Variants in ZEB1 observed in about 807,000 individuals in gnomAD.
ZEB1 encodes zinc finger E-box binding homeobox 1.
ZEB1 carries 21 observed loss-of-function variants against 84.9 expected under a neutral mutation model. That is an observed-to-expected ratio of 0.25 (90% CI 0.18 to 0.36). The LOEUF is 0.36. Among genes scored for constraint, ZEB1 ranks in the 10% least tolerant of loss-of-function variants. ZEB1 has a pLI of 1.00. For synonymous variants in ZEB1, 420 were observed against 471.1 expected (o/e 0.89, Z 1.41); for missense variants, 1,104 against 1,330.2 (o/e 0.83, Z 2.65).
At chr10:31,433,737 T>TTA (rs2057988488) in intron 1 of ZEB1, among the ~76,000 whole-genome samples, 1 of 152,202 alleles carries the variant, frequency 6.6e-6, no homozygotes, top group South Asian at 2.1e-4. Flanking sequence ...TAAGTGAAAC[T>TTA]GGCAAATTTT....
intron 1 of ZEB1, among the ~76,000 whole-genome samples, chr10:31,455,230 A>T (rs2061059273): frequency 6.6e-6 from 1 of 152,132 alleles, no homozygotes; most frequent in Non-Finnish European, 1.5e-5. Flanking sequence ...CTGAAACTGG[A>T]CCCCTTCCTT....
rs534819196 is a variant in ZEB1, at chr10:31,382,313, G to A, written c.58+63021G>A. Among the ~76,000 whole-genome samples the A allele has an allele frequency of 6.6e-5, 10 of 152,166 alleles. No homozygotes were observed. The South Asian group carries it at 2.1e-3, about 32-fold the overall frequency. On this transcript the variant is annotated intron_variant, in intron 1 of 8. Coordinates refer to ENST00000424869, the MANE Select transcript of ZEB1 (RefSeq NM_001174096.2). ...TTTTTGAGTGGAACATGCTATCTATGTTCATTCTTTTCTTCTACTCATACT... is the reference window on the plus strand; with the variant it reads ...TTTTTGAGTGGAACATGCTATCTATATTCATTCTTTTCTTCTACTCATACT...
At chr10:31,460,657 T>C (rs1424436834) in intron 1 of ZEB1, among the ~76,000 whole-genome samples, 1 of 152,132 alleles carries the variant, frequency 6.6e-6, no homozygotes, top group Non-Finnish European at 1.5e-5. Context: ...CTCTGCCACT[T>C]CCTAGCTGTG....
At chr10:31,449,902 G>T (rs536512867) in intron 1 of ZEB1, among the ~76,000 whole-genome samples, 1 of 152,034 alleles carries the variant, frequency 6.6e-6, no homozygotes, top group African/African-American at 2.4e-5. Context: ...ACCATGTCAG[G>T]GGTATACTAT....
intron 1 of ZEB1, chr10:31,321,718 C>A: frequency 1.3e-6 from 1 of 797,786 alleles, no homozygotes; most frequent in African/African-American, 1.7e-5. Flanking sequence ...TCCTTGAGAT[C>A]CTGTGATATG....
chr10:31,331,028 A>G (rs971653729), intron 1 of ZEB1, among the ~76,000 whole-genome samples: 5 of 148,334 alleles, frequency 3.4e-5, no homozygotes, highest in Non-Finnish European at 7.4e-5. Context: ...TAGAAAAAGC[A>G]TTGAACTGGG....
At chr10:31,458,621 A>G (rs768781171) in intron 1 of ZEB1, among the ~76,000 whole-genome samples, 10 of 152,026 alleles carry the variant, frequency 6.6e-5, no homozygotes, top group South Asian at 2.1e-4. Flanking sequence ...GATAATATTT[A>G]TGGAAACATA....
chr10:31,481,619 T>G (rs930652641), intron 2 of ZEB1, among the ~76,000 whole-genome samples: 2 of 151,576 alleles, frequency 1.3e-5, no homozygotes, highest in Admixed American at 1.3e-4. Context: ...AGACCAAGAG[T>G]TTGAGACCAA....
intron 1 of ZEB1, chr10:31,321,992 G>T (rs947487263): frequency 9.5e-6 from 2 of 211,264 alleles, no homozygotes; most frequent in African/African-American, 4.6e-5. Flanking sequence ...TAGAAAAACA[G>T]ATTTGCGTCT....
chr10:31,524,202 C>G (rs879161329), intron 8 of ZEB1, 89 bp downstream of exon 8: 1 of 1,042,266 alleles, frequency 9.6e-7, no homozygotes, highest in East Asian at 2.9e-5. Flanking sequence ...AATTTTCTTT[C>G]TTTTTTTTTT....
chr10:31,526,454 T>C (rs572974107), intron 8 of ZEB1, among the ~76,000 whole-genome samples: 180 of 152,292 alleles, frequency 1.2e-3, no homozygotes, highest in African/African-American at 4.2e-3. Context: ...CCCATTGACC[T>C]AATCATCTGC....
At chr10:31,500,240 T>C (rs938108647) in intron 3 of ZEB1, among the ~76,000 whole-genome samples, 2 of 152,296 alleles carry the variant, frequency 1.3e-5, no homozygotes, top group Non-Finnish European at 2.9e-5. Flanking sequence ...TGAAGTTGCT[T>C]TGAAAAGAAT....
At chr10:31,351,778 A>G (rs2041355522) in intron 1 of ZEB1, among the ~76,000 whole-genome samples, 2 of 152,178 alleles carry the variant, frequency 1.3e-5, no homozygotes, top group African/African-American at 4.8e-5. Context: ...AGCATATTTC[A>G]TGGTATAACA....
At position 31,527,457 on chromosome 10, in the gene ZEB1, TAAATC is replaced by T. The variant is rs2073718742; in HGVS notation, c.*194_*198del. 4 of 647,892 alleles carry T rather than the reference TAAATC, an allele frequency of 6.2e-6. No homozygotes were observed. Among genetic ancestry groups the T allele is most frequent in the Middle Eastern group, 4.5e-4 (1 of 2,242 alleles). 40.1% of individuals were successfully genotyped at this position (647,892 alleles called of 1,614,324 possible). On this transcript the variant is annotated 3_prime_UTR_variant, in exon 9 of 9. Transcript: ENST00000424869. The stretch of plus-strand genomic sequence containing the variant: ...CACACACACACACACACACACAAAA[TAAATC>T]CGGGTGTGCCTGAACCTCAGACCTA...
chr10:31,511,613 C>A (rs1308742111), intron 5 of ZEB1, among the ~76,000 whole-genome samples: 3 of 152,130 alleles, frequency 2.0e-5, no homozygotes, highest in Non-Finnish European at 4.4e-5. Context: ...TGCCTTAATT[C>A]TAACTTTAAA....
At chr10:31,341,348 A>T (rs544708108) in intron 1 of ZEB1, among the ~76,000 whole-genome samples, 23 of 152,288 alleles carry the variant, frequency 1.5e-4, no homozygotes, top group African/African-American at 5.3e-4. Context: ...GTAGGACTCG[A>T]TGCTTGGAAA....
chr10:31,526,448 T>C (rs573775278), intron 8 of ZEB1, among the ~76,000 whole-genome samples: 1 of 152,296 alleles, frequency 6.6e-6, no homozygotes, highest in Admixed American at 6.5e-5. Context: ...GTAGCTCCCA[T>C]TGACCTAATC....
chr10:31,469,779 G>C (rs2062951359), intron 2 of ZEB1, among the ~76,000 whole-genome samples: 1 of 152,194 alleles, frequency 6.6e-6, no homozygotes. Context: ...CAAACAAAAA[G>C]ACAGCAGTAA....
chr10:31,390,962 CTGTT>C (rs1032085883), intron 1 of ZEB1, among the ~76,000 whole-genome samples: 3 of 150,506 alleles, frequency 2.0e-5, no homozygotes, highest in Non-Finnish European at 3.0e-5. Context: ...ATAGAAGAGA[CTGTT>C]TGTCTCGAAA....
Sources: allele counts gnomAD v4.1 joint callset (sites outside exome capture counted in the v4.1 genomes callset), GRCh38; gene constraint gnomAD v4.1.1; transcripts MANE v1.5; gene names NCBI Gene and HGNC (gene_info 2026-07-23, HGNC 2026-07-21).